The following GZMK variants were observed in gnomAD, a reference collection of about 807,000 sequenced individuals.
The protein encoded by GZMK is NK-Tryp-2.
GZMK carries 18 observed loss-of-function variants against 22.8 expected under a neutral mutation model. That is an observed-to-expected ratio of 0.79 (90% CI 0.54 to 1.17). GZMK has a LOEUF of 1.17. Among genes scored for constraint, GZMK ranks in the 50% most tolerant of loss-of-function variants. GZMK has a pLI of 0.00. For missense variants in GZMK, 342 were observed against 320.2 expected, an observed-to-expected ratio of 1.07 and a Z score of -0.52; for synonymous variants, 136 against 115.0, an observed-to-expected ratio of 1.18 and a Z score of -1.17.
chr5:55,024,443 GTTATA>G (rs746964046), intron 1 of GZMK, 57 bp downstream of exon 1: 15 of 867,320 alleles, frequency 1.7e-5, no homozygotes, highest in South Asian at 8.8e-5. Context: ...TGACTATATT[GTTATA>G]TTATAGATGA....
chr5:55,026,326 TG>T (rs1741142558), intron 2 of GZMK, among the ~76,000 whole-genome samples: 1 of 152,126 alleles, frequency 6.6e-6, no homozygotes, highest in Admixed American at 6.5e-5. Flanking sequence ...TTTTGTCAAG[TG>T]GATTTAACTC....
rs752091644 is a variant in GZMK, at chr5:55,030,346, T to C, written c.213-88T>C. 3.1e-4 allele frequency: 371 copies of C among 1,204,068 alleles called. No homozygotes were observed. The Middle Eastern group carries it at 0.011, about 35-fold the overall frequency. 74.6% of individuals were successfully genotyped at this position (1,204,068 alleles called of 1,614,324 possible). On this transcript the variant is annotated intron_variant, in intron 2 of 4. Transcript: ENST00000231009. ...ACCTTGGAGATAGCCCTTGTTTCTC[T>C]GTGTATACAACCCTCTCGACCATCA...
At position 55,030,492 on chromosome 5, in the gene GZMK, G is replaced by A. The variant is rs1741213185; in HGVS notation, c.271G>A (p.Glu91Lys). 10 of 1,613,214 alleles carry A rather than the reference G, an allele frequency of 6.2e-6. No homozygotes were observed. The highest frequency in any genetic ancestry group is 8.5e-6 in the Non-Finnish European group (10 of 1,179,294). The part of the protein sequence containing the change: ...VLGAHSLSKN[E>K]ASKQTLEIKK... ...AGGCGCACACTCTCTCTCAAAGAAT[G>A]AGGCCTCCAAACAAACACTGGAGAT... The change falls in exon 3 of 5, where the codon GAG (glutamate) becomes AAG (lysine). Residue 91 changes from glutamate (E) to lysine (K), a missense_variant. Glu to Lys is a moderately conservative substitution (Grantham distance 56, BLOSUM62 1). Transcript: ENST00000231009.
chr5:55,033,760 T>G lies in GZMK; in HGVS notation c.634-5T>G. 6.3e-7 allele frequency: 1 copy of G among 1,592,522 alleles called. No individual in the cohort carries two copies. The highest frequency in any genetic ancestry group is 1.2e-5 in the South Asian group (1 of 86,372). ...CCACGTATTTGCCCTTTTTCTTCCTTCCAGGGTGACTCAGGGGGCCCCTTG... is the reference window on the plus strand; with the variant it reads ...CCACGTATTTGCCCTTTTTCTTCCTGCCAGGGTGACTCAGGGGGCCCCTTG... On this transcript the variant is annotated splice_region_variant and splice_polypyrimidine_tract_variant and intron_variant, in intron 4 of 4. Coordinates refer to ENST00000231009, the MANE Select transcript of GZMK (RefSeq NM_002104.3).
intron 2 of GZMK, chr5:55,028,603 C>T (rs1741172986): frequency 6.6e-6 from 1 of 152,134 alleles, no homozygotes; most frequent in South Asian, 2.1e-4. Context: ...TGTTTCTGTG[C>T]TCTTTGTAAC....
At chr5:55,030,317 G>A (rs1329069266) in intron 2 of GZMK, 117 bp from the exon 3 acceptor site, 3 of 891,462 alleles carry the variant, frequency 3.4e-6, no homozygotes, top group Non-Finnish European at 5.3e-6. Flanking sequence ...ATCTTAGGCA[G>A]GTTACCTTGG....
chr5:55,028,304 C>G (rs1741168730), intron 2 of GZMK: 1 of 152,178 alleles, frequency 6.6e-6, no homozygotes, highest in Non-Finnish European at 1.5e-5. Context: ...TGTCATCCTT[C>G]TCCTACAAAG....
intron 4 of GZMK, among the ~76,000 whole-genome samples, chr5:55,032,076 G>T (rs978789796): frequency 6.6e-6 from 1 of 152,172 alleles, no homozygotes; most frequent in African/African-American, 2.4e-5. Flanking sequence ...AATGCTGACT[G>T]ACTGTCTTCG....
chr5:55,032,822 T>A (rs1403776101), intron 4 of GZMK: 1 of 152,240 alleles, frequency 6.6e-6, no homozygotes, highest in Non-Finnish European at 1.5e-5. Context: ...CATGTTTGTA[T>A]GAACTATACT....
At position 55,024,797 on chromosome 5, in the gene GZMK, T is replaced by A; in HGVS notation, c.202T>A (p.Cys68Ser). ...DPQWVLTAAH[C>S]QYRFTKGQSP... ...ACAGTGGGTGCTGACAGCAGCCCACTGCCAATATCGGTGAGTCCTCCACAC... is the reference window on the plus strand; with the variant it reads ...ACAGTGGGTGCTGACAGCAGCCCACAGCCAATATCGGTGAGTCCTCCACAC... The change falls in exon 2 of 5, where the codon TGC (cysteine) becomes AGC (serine). Residue 68 changes from cysteine to serine, a missense_variant. Physicochemically the swap from Cys to Ser is moderately radical, Grantham distance 112 (BLOSUM62 -1). Transcript: ENST00000231009. The A allele has an allele frequency of 1.3e-6, 2 of 1,598,988 alleles. No individual in the cohort carries two copies. The highest frequency in any genetic ancestry group is 1.7e-6 in the Non-Finnish European group (2 of 1,170,528).
chr5:55,029,542 T>TTTGTTTGTTTG (rs1741187977), intron 2 of GZMK, among the ~76,000 whole-genome samples: 19 of 150,504 alleles, frequency 1.3e-4, no homozygotes, highest in Non-Finnish European at 2.1e-4. Flanking sequence ...TCTTTGTGGT[T>TTTGTTTGTTTG]TTTGTTTGTT....
Position 55,031,467 on chromosome 5 carries a change from C to T in GZMK, c.467C>T (p.Ala156Val). The T allele has an allele frequency of 1.2e-6, 2 of 1,613,996 alleles. No individual in the cohort carries two copies. Among genetic ancestry groups the T allele is most frequent in the Non-Finnish European group, 1.7e-6 (2 of 1,179,858 alleles). ...AAATGCAAGGTTACTGGCTGGGGAG[C>T]CACCGATCCAGATTCATTAAGACCT... ...GTKCKVTGWG[A>V]TDPDSLRPSD... The change falls in exon 4 of 5, where the codon GCC (alanine) becomes GTC (valine). Residue 156 changes from alanine (A) to valine (V), a missense_variant. Coordinates refer to ENST00000231009, the MANE Select transcript of GZMK (RefSeq NM_002104.3).
At chr5:55,028,525 C>A (rs982620810) in intron 2 of GZMK, 3 of 137,836 alleles carry the variant, frequency 2.2e-5, no homozygotes, top group Non-Finnish European at 4.6e-5. Context: ...CTGCCATAAG[C>A]AAACCCACTC....
At chr5:55,032,159 G>A (rs1741245758) in intron 4 of GZMK, among the ~76,000 whole-genome samples, 1 of 152,130 alleles carries the variant, frequency 6.6e-6, no homozygotes, top group Admixed American at 6.5e-5. Context: ...TTCTGTTCAA[G>A]ATCAAGATCA....
chr5:55,025,974 C>T (rs1741137508), intron 2 of GZMK, among the ~76,000 whole-genome samples: 1 of 152,226 alleles, frequency 6.6e-6, no homozygotes, highest in Admixed American at 6.5e-5. Context: ...ATAGAAATCA[C>T]ACTCTCATCC....
chr5:55,033,495 G>T (rs1741266350), intron 4 of GZMK, among the ~76,000 whole-genome samples: 1 of 152,300 alleles, frequency 6.6e-6, no homozygotes, highest in African/African-American at 2.4e-5. Flanking sequence ...CAGAGATATA[G>T]ACATGGACAC....
chr5:55,028,664 C>T (rs559565842), intron 2 of GZMK: 1 of 152,234 alleles, frequency 6.6e-6, no homozygotes, highest in East Asian at 1.9e-4. Flanking sequence ...GTTTTTACTG[C>T]AATCTACTTT....
At chr5:55,025,878 T>C (rs1292109715) in intron 2 of GZMK, 2 of 152,236 alleles carry the variant, frequency 1.3e-5, no homozygotes, top group Non-Finnish European at 2.9e-5. Flanking sequence ...GCCTGCAAAC[T>C]GGGAGATCTT....
At position 55,030,591 on chromosome 5, in the gene GZMK, A is replaced by G; in HGVS notation, c.363+7A>G. 6.2e-7 allele frequency: 1 copy of G among 1,603,886 alleles called. No individual in the cohort carries two copies. Among genetic ancestry groups the G allele is most frequent in the Non-Finnish European group, 8.5e-7 (1 of 1,171,426 alleles). On this transcript the variant is annotated splice_region_variant and intron_variant, in intron 3 of 4. Coordinates refer to ENST00000231009, the MANE Select transcript of GZMK (RefSeq NM_002104.3). ...TGATATCATGCTGGTTAAGGTAGGT[A>G]GTAGCATTGTCTTCCTTCTATTTTG...
Sources: allele counts gnomAD v4.1 joint callset (sites outside exome capture counted in the v4.1 genomes callset), GRCh38; gene constraint gnomAD v4.1.1; transcripts MANE v1.5; gene names NCBI Gene and HGNC (gene_info 2026-07-23, HGNC 2026-07-21).